Variants in DOCK8 observed in about 807,000 individuals in gnomAD.
DOCK8 encodes dedicator of cytokinesis protein 8.
DOCK8 carries 141 observed loss-of-function variants against 245.6 expected under a neutral mutation model. The observed-to-expected ratio is 0.57, with a 90% confidence interval of 0.50 to 0.66. The LOEUF (loss-of-function observed/expected upper bound fraction) is 0.66, where lower values mean the gene tolerates loss of function less well. Among genes scored for constraint, DOCK8 ranks in the 30% least tolerant of loss-of-function variants. The pLI, the probability that DOCK8 is intolerant of heterozygous loss-of-function variation, is 0.00. For synonymous variants in DOCK8, 1,168 were observed against 970.2 expected (o/e 1.20, Z -3.79); for missense variants, 2,965 against 2,603.4 (o/e 1.14, Z -3.02).
chr9:352,754 C>G (rs1370191605), intron 14 of DOCK8, among the ~76,000 whole-genome samples: 1 of 48,100 alleles, frequency 2.1e-5, no homozygotes. Flanking sequence ...AAAAAAGTGC[C>G]GATACTTTAT....
intron 33 of DOCK8, among the ~76,000 whole-genome samples, chr9:423,243 A>G (rs1238615706): frequency 1.3e-5 from 2 of 152,206 alleles, no homozygotes; most frequent in African/African-American, 2.4e-5. Context: ...AATCTATGCT[A>G]TAGATGAATA....
chr9:345,568 ACT>A (rs1414751226), intron 14 of DOCK8, among the ~76,000 whole-genome samples: 1 of 152,172 alleles, frequency 6.6e-6, no homozygotes, highest in Non-Finnish European at 1.5e-5. Flanking sequence ...GCTGAATATT[ACT>A]TGAGTTGAAC....
At chr9:214,600 A>G (rs1269086114), upstream of DOCK8, 8 of 1,613,858 alleles carry the variant, frequency 5.0e-6, no homozygotes, top group Non-Finnish European at 6.8e-6. Context: ...AGCTTCGGGC[A>G]GATGGAGCTT....
chr9:300,788 T>G (rs745790623), intron 4 of DOCK8, among the ~76,000 whole-genome samples: 1 of 152,014 alleles, frequency 6.6e-6, no homozygotes, highest in Non-Finnish European at 1.5e-5. Context: ...CCCCCTAAAA[T>G]TGAAGCAGGA....
At chr9:332,584 A>G (rs564153249) in intron 10 of DOCK8, 106 bp downstream of exon 10, 208 of 712,522 alleles carry the variant, frequency 2.9e-4, no homozygotes, top group Middle Eastern at 1.7e-3. Flanking sequence ...ATGTGTCCCT[A>G]TATAAGACAC....
intron 33 of DOCK8, 74 bp from the exon 34 acceptor site, chr9:426,811 G>A (rs1016956324): frequency 4.3e-6 from 5 of 1,151,672 alleles, no homozygotes; most frequent in Non-Finnish European, 6.6e-6. Flanking sequence ...TTACACCTTG[G>A]TGTATAGATT....
At position 434,690 on chromosome 9, in the gene DOCK8, T is replaced by A. The variant is rs2056836060; in HGVS notation, c.4887-93T>A. On this transcript the variant is annotated intron_variant, in intron 38 of 47. Coordinates refer to ENST00000432829, the MANE Select transcript of DOCK8 (RefSeq NM_203447.4). ...CAGGTGGAGGGGTACAGGGAACTCTTGGGGAGAAAAAAAGAAAAGGTCACA... is the reference window on the plus strand; with the variant it reads ...CAGGTGGAGGGGTACAGGGAACTCTAGGGGAGAAAAAAAGAAAAGGTCACA... 3 of 1,368,404 alleles carry A rather than the reference T, an allele frequency of 2.2e-6. No homozygotes were observed. The African/African-American group carries it at 4.3e-5, about 20-fold the overall frequency. The allele number at this position is 1,368,404 out of a possible 1,614,324, so 84.8% of individuals were successfully genotyped here. A position where few individuals can be genotyped will look rare whatever the true frequency, so the allele number is the denominator to read the frequency against.
At chr9:351,629 A>G (rs1021067833) in intron 14 of DOCK8, among the ~76,000 whole-genome samples, 6 of 152,236 alleles carry the variant, frequency 3.9e-5, no homozygotes, top group African/African-American at 1.2e-4. Flanking sequence ...GTTAGCTCAC[A>G]GCATCTACTC....
Position 428,350 on chromosome 9 carries a change from C to A in DOCK8, c.4339-12C>A. 1 of 1,614,054 alleles carries A rather than the reference C, an allele frequency of 6.2e-7. No homozygotes were observed. Among genetic ancestry groups the A allele is most frequent in the Non-Finnish European group, 8.5e-7 (1 of 1,180,028 alleles). The stretch of plus-strand genomic sequence containing the variant: ...GCAGGGATTCAATGATGCTGTTCTT[C>A]CATTCCCCCAGGCGAGCTCGGCTCT... On this transcript the variant is annotated splice_polypyrimidine_tract_variant and intron_variant, in intron 34 of 47. Transcript: ENST00000432829.
intron 14 of DOCK8, among the ~76,000 whole-genome samples, chr9:347,876 T>C (rs940329721): frequency 6.6e-6 from 1 of 152,218 alleles, no homozygotes; most frequent in Admixed American, 6.5e-5. Flanking sequence ...CAGTATAATA[T>C]TCAGCCACTA....
At chr9:249,567 C>A (rs2047598368) in intron 1 of DOCK8, among the ~76,000 whole-genome samples, 1 of 152,050 alleles carries the variant, frequency 6.6e-6, no homozygotes, top group Admixed American at 6.5e-5. Context: ...AAAACTATTA[C>A]TCTTAATAGT....
rs1235350620 is a variant in DOCK8, at chr9:428,395, C to G, written c.4372C>G (p.Leu1458Val). Residue 1458 changes from leucine (L) to valine (V), a missense_variant, in exon 35 of 48, where the codon CTG (leucine) becomes GTG (valine). Physicochemically the swap from Leu to Val is conservative, Grantham distance 32 (BLOSUM62 1). Transcript: ENST00000432829. ...SSALDCKDSL[L>V]GGVLRVLVNS... ...GGCTCTGGACTGTAAAGACAGCCTG[C>G]TGGGAGGTGTTCTGAGGGTGCTGGT... The G allele has an allele frequency of 6.2e-7, 1 of 1,614,202 alleles. No homozygotes were observed.
At chr9:227,482 T>A (rs1286014257) in intron 1 of DOCK8, among the ~76,000 whole-genome samples, 1 of 152,192 alleles carries the variant, frequency 6.6e-6, no homozygotes, top group African/African-American at 2.4e-5. Context: ...ATCTGCAGCG[T>A]TCCAGGTGGT....
chr9:323,218 C>CTTTTTTTTTTTTTTTTTTTTTTTTTTT (rs1164158230), intron 7 of DOCK8, among the ~76,000 whole-genome samples: 1 of 67,218 alleles, frequency 1.5e-5, no homozygotes, highest in Non-Finnish European at 2.6e-5. Flanking sequence ...AATCTACCAT[C>CTTTTTTTTTTTTTTTTTTTTTTTTTTT]TTTTTTTTTT....
intron 14 of DOCK8, chr9:366,174 G>A (rs910929800): frequency 1.3e-5 from 2 of 155,244 alleles, no homozygotes; most frequent in African/African-American, 4.8e-5. Flanking sequence ...GACATGGCCT[G>A]TCATCTACTC....
Position 365,454 on chromosome 9 carries a change from T to A in DOCK8, c.1680-2564T>A, listed in dbSNP as rs186890126. 12 of 396,770 alleles carry A rather than the reference T, an allele frequency of 3.0e-5. No individual in the cohort carries two copies. In the East Asian group the frequency reaches 8.5e-4, roughly 28 times the overall value. 24.6% of individuals were successfully genotyped at this position (396,770 alleles called of 1,614,324 possible). A position where few individuals can be genotyped will look rare whatever the true frequency, so the allele number is the denominator to read the frequency against. On this transcript the variant is annotated intron_variant, in intron 14 of 47. Transcript: ENST00000432829. ...TTTACAGAGTTTGTACTTGATAAGG[T>A]ACAGAAGTAAGTCACTTCTCAAAAA... is the stretch of plus-strand genomic sequence containing the variant.
intron 2 of DOCK8, among the ~76,000 whole-genome samples, chr9:273,701 T>C (rs1370987952): frequency 1.3e-5 from 2 of 151,980 alleles, no homozygotes; most frequent in East Asian, 1.9e-4. Flanking sequence ...TTTTTTTTTT[T>C]TTTGAGATGG....
In DOCK8 at chr9:433,905, A is replaced by G. The variant is rs748679615; in HGVS notation, c.4816A>G (p.Ile1606Val). ...VEELLCNLNS[I>V]LYDTVKMREF... ...GGAACTTCTCTGTAATCTGAATAGC[A>G]TCTTATATGACACAGTGAAAATGAG... is the stretch of plus-strand genomic sequence containing the variant. The change falls in exon 38 of 48, where the codon ATC (isoleucine) becomes GTC (valine). Residue 1606 changes from isoleucine to valine, a missense_variant. Physicochemically the swap from Ile to Val is conservative, Grantham distance 29. Around this residue, in one of 3 missense-constraint regions of DOCK8, gnomAD observed 2,825 missense variants for 2,453.5 expected, o/e 1.15. Coordinates refer to ENST00000432829, the MANE Select transcript of DOCK8 (RefSeq NM_203447.4). 3 of 1,614,152 alleles carry G rather than the reference A, an allele frequency of 1.9e-6. No homozygotes were observed. Among genetic ancestry groups the G allele is most frequent in the South Asian group, 1.1e-5 (1 of 91,082 alleles).
At chr9:277,523 GTTA>G (rs1437347497) in intron 2 of DOCK8, among the ~76,000 whole-genome samples, 12 of 145,888 alleles carry the variant, frequency 8.2e-5, no homozygotes, top group African/African-American at 3.3e-4. Flanking sequence ...CAAGAGAAGA[GTTA>G]GGAGACCCTG....
Sources: gnomAD v4.1 joint callset for allele counts (sites outside exome capture counted in the v4.1 genomes callset) on GRCh38, gnomAD v4.1.1 for gene constraint, gnomAD v4.1.1 regional missense constraint, MANE v1.5 for transcripts, NCBI Gene and HGNC (gene_info 2026-07-23, HGNC 2026-07-21) for gene names.